Variants in MYH11 observed in about 807,000 individuals in gnomAD.
The protein encoded by MYH11 is myosin heavy chain 11, also known as myosin-11.
MYH11 carries 80 observed loss-of-function variants against 246.6 expected under a neutral mutation model. The ratio of observed to expected loss-of-function variants is 0.32; its 90% CI spans 0.27 to 0.39. The LOEUF (loss-of-function observed/expected upper bound fraction) is 0.39, where lower values mean the gene tolerates loss of function less well. Among genes scored for constraint, MYH11 ranks in the 10% least tolerant of loss-of-function variants. The pLI is 1.00. For synonymous variants in MYH11, 1,071 were observed against 1,015.5 expected (o/e 1.05, Z -1.04); for missense variants, 2,158 against 2,546.8 (o/e 0.85, Z 3.29).
chr16:15,731,020 G>A (rs371237926), intron 27 of MYH11, among the ~76,000 whole-genome samples: 2 of 151,400 alleles, frequency 1.3e-5, no homozygotes, highest in African/African-American at 2.4e-5. Flanking sequence ...AAGAAAAATC[G>A]CTATGTTGCC....
intron 24 of MYH11, among the ~76,000 whole-genome samples, chr16:15,737,874 C>A (rs1047992194): frequency 3.9e-5 from 6 of 152,056 alleles, no homozygotes; most frequent in Non-Finnish European, 8.8e-5. Context: ...CTCACTGCAA[C>A]CTCCGCCTCC....
At position 15,724,413 on chromosome 16, in the gene MYH11, C is replaced by T. The variant is rs754942889; in HGVS notation, c.4117-4G>A. On this transcript the variant is annotated splice_polypyrimidine_tract_variant and splice_region_variant and intron_variant, in intron 30 of 40. Coordinates refer to ENST00000300036, the MANE Select transcript of MYH11 (RefSeq NM_002474.3). ...GCTTCTTCTTCGAGTCGGAGAGCTACAAGGACAGCGTCCAGGGTAGGGTGA... is the reference window on the plus strand; with the variant it reads ...GCTTCTTCTTCGAGTCGGAGAGCTATAAGGACAGCGTCCAGGGTAGGGTGA... 5 of 1,613,638 alleles carry T rather than the reference C, an allele frequency of 3.1e-6. No individual in the cohort carries two copies. In the African/African-American group the frequency reaches 5.3e-5, roughly 17 times the overall value.
At chr16:15,714,522 A>G in intron 40 of MYH11, 1 of 355,166 alleles carries the variant, frequency 2.8e-6, no homozygotes, top group East Asian at 6.4e-5. Flanking sequence ...AAGGAGGAGC[A>G]GAGCATGTCA....
chr16:15,760,647 CT>C lies in MYH11; in HGVS notation c.1140del (p.Val381PhefsTer9). On this transcript the variant is annotated frameshift_variant, in exon 11 of 41. Coordinates refer to ENST00000300036, the MANE Select transcript of MYH11 (RefSeq NM_002474.3). LOFTEE classifies it high-confidence loss of function. The stretch of plus-strand genomic sequence containing the variant: ...ACATTAATTCCCATGAGGTGGCAAA[CT>C]TTCTGAGCAGCTGGATGGAGAAAAG... Reference protein sequence around the residue: ...ASMPDNTAAQKVCHLMGINVT... With the variant: ...ASMPDNTAAQXVCHLMGINVT... 6.2e-7 allele frequency: 1 copy of C among 1,608,230 alleles called. No homozygotes were observed. The highest frequency in any genetic ancestry group is 1.3e-5 in the African/African-American group (1 of 74,886).
intron 8 of MYH11, chr16:15,775,868 C>A (rs2042209813): frequency 1.6e-6 from 1 of 617,058 alleles, no homozygotes; most frequent in African/African-American, 1.8e-5. Context: ...GCTACTATGT[C>A]ACATAGTAGG....
At chr16:15,840,359 T>C (rs1480697753) in intron 1 of MYH11, among the ~76,000 whole-genome samples, 1 of 152,172 alleles carries the variant, frequency 6.6e-6, no homozygotes, top group African/African-American at 2.4e-5. Context: ...AAAATAAAAG[T>C]AATGGCAAAT....
chr16:15,726,735 G>T, intron 28 of MYH11, 113 bp downstream of exon 28: 1 of 1,271,910 alleles, frequency 7.9e-7, no homozygotes, highest in Non-Finnish European at 1.1e-6. Flanking sequence ...GCAACTAGAG[G>T]AAAGGACTTG....
At chr16:15,793,887 T>C (rs1231438280) in intron 4 of MYH11, among the ~76,000 whole-genome samples, 1 of 145,810 alleles carries the variant, frequency 6.9e-6, no homozygotes, top group Non-Finnish European at 1.5e-5. Flanking sequence ...CCTCCCAAAG[T>C]GCTGGGATTA....
At chr16:15,732,924 G>A in intron 26 of MYH11, 1 of 605,170 alleles carries the variant, frequency 1.7e-6, no homozygotes, top group African/African-American at 1.8e-5. Flanking sequence ...TAGGACATCT[G>A]TAATGACTGG....
At chr16:15,768,785 T>G (rs1204487794) in intron 9 of MYH11, among the ~76,000 whole-genome samples, 1 of 152,114 alleles carries the variant, frequency 6.6e-6, no homozygotes, top group Admixed American at 6.5e-5. Flanking sequence ...TGCTTGGGGC[T>G]GCCGAAGGTG....
chr16:15,838,948 A>G (rs751063556), intron 1 of MYH11, among the ~76,000 whole-genome samples: 2 of 151,944 alleles, frequency 1.3e-5, no homozygotes, highest in Non-Finnish European at 2.9e-5. Flanking sequence ...GCGCTGCAAA[A>G]TAAGAGTCCT....
chr16:15,708,324 C>T (rs1192533205), intron 40 of MYH11, among the ~76,000 whole-genome samples: 3 of 152,206 alleles, frequency 2.0e-5, no homozygotes, highest in Non-Finnish European at 4.4e-5. Flanking sequence ...TGATCTCTGA[C>T]TTGTGACCCA....
At chr16:15,785,615 G>A (rs1359760896) in intron 5 of MYH11, 4 of 151,918 alleles carry the variant, frequency 2.6e-5, no homozygotes, top group South Asian at 2.1e-4. Context: ...CATCTGGAAT[G>A]GCGAACACTG....
intron 3 of MYH11, among the ~76,000 whole-genome samples, chr16:15,811,529 G>C (rs560194535): frequency 1.4e-4 from 21 of 152,180 alleles, no homozygotes; most frequent in African/African-American, 5.1e-4. Context: ...AGTGAGGGCC[G>C]AGCAATGTGG....
At chr16:15,752,860 C>A (rs2041608896) in intron 15 of MYH11, among the ~76,000 whole-genome samples, 1 of 152,146 alleles carries the variant, frequency 6.6e-6, no homozygotes, top group African/African-American at 2.4e-5. Context: ...GCCTGGGTGA[C>A]AAAGCAAGAC....
intron 3 of MYH11, among the ~76,000 whole-genome samples, chr16:15,821,077 G>T (rs976769950): frequency 6.6e-6 from 1 of 152,102 alleles, no homozygotes; most frequent in Non-Finnish European, 1.5e-5. Context: ...TCGCCATATT[G>T]CCCAGGCTGG....
intron 24 of MYH11, 67 bp from the exon 25 acceptor site, chr16:15,737,687 T>C: frequency 1.3e-6 from 2 of 1,577,314 alleles, no homozygotes; most frequent in Non-Finnish European, 1.7e-6. Context: ...TGAGCCTTCC[T>C]GCCCAGGCAT....
intron 23 of MYH11, 112 bp downstream of exon 23, chr16:15,739,939 A>T: frequency 1.7e-6 from 2 of 1,144,578 alleles, no homozygotes; most frequent in Non-Finnish European, 2.6e-6. Context: ...ATGGAGTTTT[A>T]CCCTGTTGGC....
At chr16:15,704,912 C>T in intron 40 of MYH11, among the ~76,000 whole-genome samples, 1 of 152,210 alleles carries the variant, frequency 6.6e-6, no homozygotes, top group East Asian at 1.9e-4. Flanking sequence ...CTCCTGAGCT[C>T]AAGCAGTTCT....
Sources: gnomAD v4.1 joint callset for allele counts (sites outside exome capture counted in the v4.1 genomes callset) on GRCh38, gnomAD v4.1.1 for gene constraint, MANE v1.5 for transcripts, NCBI Gene and HGNC (gene_info 2026-07-23, HGNC 2026-07-21) for gene names.